The following CMSS1 variants were observed in gnomAD, a reference collection of about 807,000 sequenced individuals.
CMSS1 encodes the protein cms1 ribosomal small subunit homolog.
A neutral mutation model predicts 43.5 loss-of-function variants in CMSS1; 33 were observed. That is an observed-to-expected ratio of 0.76 (90% CI 0.57 to 1.01). CMSS1 has a LOEUF of 1.01. CMSS1 is among the 50% of genes least tolerant of loss of function. The probability of loss-of-function intolerance (pLI) is 0.00; values close to 1 mark genes in which losing one functional copy is unlikely to be tolerated. For synonymous variants in CMSS1, 115 were observed against 117.2 expected, an observed-to-expected ratio of 0.98 and a Z score of 0.12; for missense variants, 313 against 326.4, an observed-to-expected ratio of 0.96 and a Z score of 0.32.
chr3:100,158,127 T>C (rs2066992245), intron 2 of CMSS1, among the ~76,000 whole-genome samples: 1 of 152,238 alleles, frequency 6.6e-6, no homozygotes, highest in African/African-American at 2.4e-5. Context: ...TCCTGCTCAA[T>C]AGGTCCTTTT....
At chr3:99,825,773 T>C (rs1942524981) in intron 1 of CMSS1, among the ~76,000 whole-genome samples, 2 of 148,780 alleles carry the variant, frequency 1.3e-5, no homozygotes, top group Non-Finnish European at 3.0e-5. Flanking sequence ...TTTTTTCTTT[T>C]TCTTTTTTTT....
chr3:100,029,620 TA>T (rs1404527611), intron 1 of CMSS1, among the ~76,000 whole-genome samples: 8 of 152,248 alleles, frequency 5.3e-5, no homozygotes, highest in Non-Finnish European at 8.8e-5. Context: ...ATCACTAAAA[TA>T]AAAAAGCAAA....
intron 1 of CMSS1, among the ~76,000 whole-genome samples, chr3:100,117,199 T>C (rs1174739112): frequency 6.6e-6 from 1 of 152,216 alleles, no homozygotes; most frequent in Non-Finnish European, 1.5e-5. Flanking sequence ...AGTTGCTATT[T>C]ATTATGTCAC....
intron 8 of CMSS1, among the ~76,000 whole-genome samples, chr3:100,173,758 G>A (rs751740254): frequency 1.3e-5 from 2 of 152,130 alleles, no homozygotes; most frequent in Admixed American, 1.3e-4. Context: ...CATGCACATG[G>A]TATATCACAA....
At chr3:100,054,268 A>C (rs1190374686) in intron 1 of CMSS1, among the ~76,000 whole-genome samples, 16 of 152,094 alleles carry the variant, frequency 1.1e-4, no homozygotes. Context: ...GACTTGCTTG[A>C]TGGTTTTTTG....
At chr3:99,992,363 C>A (rs1423459688) in intron 1 of CMSS1, among the ~76,000 whole-genome samples, 1 of 152,030 alleles carries the variant, frequency 6.6e-6, no homozygotes, top group East Asian at 1.9e-4. Context: ...AATAGCCATT[C>A]TGACTGATAT....
At chr3:99,921,878 C>A (rs1385810386) in intron 1 of CMSS1, among the ~76,000 whole-genome samples, 1 of 152,152 alleles carries the variant, frequency 6.6e-6, no homozygotes, top group Non-Finnish European at 1.5e-5. Context: ...CCCCACTGAT[C>A]TTTTGTTCCC....
At chr3:100,157,717 A>T (rs9852848) in intron 2 of CMSS1, among the ~76,000 whole-genome samples, 1 of 152,146 alleles carries the variant, frequency 6.6e-6, no homozygotes, top group East Asian at 1.9e-4. Context: ...GATCCTCTTG[A>T]TGTCTTCAGA....
Position 100,180,355 on chromosome 3 carries a change from C to A in CMSS1, c.*1967C>A, listed in dbSNP as rs568048463. The A allele has an allele frequency of 3.9e-5, 6 of 152,320 alleles. No homozygotes were observed. The highest frequency in any genetic ancestry group is 1.4e-4 in the African/African-American group (6 of 41,580). The allele number at this position is 152,320 out of a possible 1,614,324, so 9.4% of individuals were successfully genotyped here. Reference sequence around the variant, plus strand: ...CATGGTCAGGCTGCAAATTTTCAAGCTTTTATACTCTGCTTTGCTTTTAAA... The same window carrying A: ...CATGGTCAGGCTGCAAATTTTCAAGATTTTATACTCTGCTTTGCTTTTAAA... On this transcript the variant is annotated 3_prime_UTR_variant, in exon 10 of 10. Coordinates refer to ENST00000421999, the MANE Select transcript of CMSS1 (RefSeq NM_032359.4).
chr3:100,160,321 A>G, intron 2 of CMSS1, 109 bp from the exon 3 acceptor site: 1 of 650,046 alleles, frequency 1.5e-6, no homozygotes. Flanking sequence ...AATATTACCA[A>G]GATACTCTGA....
rs185807598 is a variant in CMSS1 at position 100,046,045 on chromosome 3, A to G, written c.65-100928A>G. 2.0e-5 allele frequency among the ~76,000 whole-genome samples: 3 copies of G among 152,304 alleles called. No individual in the cohort carries two copies. The East Asian group carries it at 5.8e-4, about 29-fold the overall frequency. ...TGCTTGCTTTGTTTGTTTATTTTTTAAGGAAAGGGTATGGAGAGGCAAGAG... is the reference window on the plus strand; with the variant it reads ...TGCTTGCTTTGTTTGTTTATTTTTTGAGGAAAGGGTATGGAGAGGCAAGAG... On this transcript the variant is annotated intron_variant, in intron 1 of 9. Coordinates refer to ENST00000421999, the MANE Select transcript of CMSS1 (RefSeq NM_032359.4).
At chr3:100,078,524 G>A (rs1004788770) in intron 1 of CMSS1, among the ~76,000 whole-genome samples, 1 of 151,938 alleles carries the variant, frequency 6.6e-6, no homozygotes, top group Non-Finnish European at 1.5e-5. Context: ...GCTTCCCTGG[G>A]CCACATTGCA....
At position 99,892,463 on chromosome 3, in the gene CMSS1, A is replaced by G. The variant is rs552934070; in HGVS notation, c.64+74420A>G. Among the ~76,000 whole-genome samples, 9 of 152,312 alleles carry G rather than the reference A, an allele frequency of 5.9e-5. No individual in the cohort carries two copies. In the East Asian group the frequency reaches 1.7e-3, roughly 29 times the overall value. ...TCCCATTGGCTCAAACAATAGTGAA[A>G]TATGTCACCACACAACAAAAAATCC... On this transcript the variant is annotated intron_variant, in intron 1 of 9. Coordinates refer to ENST00000421999, the MANE Select transcript of CMSS1 (RefSeq NM_032359.4).
intron 1 of CMSS1, chr3:99,964,496 C>G (rs1708588703): frequency 6.6e-6 from 1 of 152,478 alleles, no homozygotes; most frequent in East Asian, 2.0e-4. Context: ...CTGCTCAGGG[C>G]TCAGAGCTAG....
At chr3:100,043,351 T>C (rs1028185421) in intron 1 of CMSS1, among the ~76,000 whole-genome samples, 37 of 152,258 alleles carry the variant, frequency 2.4e-4, no homozygotes, top group Non-Finnish European at 1.5e-5. Context: ...CTCTGTTCTT[T>C]TCAGCTATAT....
chr3:99,914,658 A>G (rs568648659), intron 1 of CMSS1, among the ~76,000 whole-genome samples: 2 of 152,346 alleles, frequency 1.3e-5, no homozygotes, highest in African/African-American at 2.4e-5. Flanking sequence ...CAGTTTAGCT[A>G]TAGGTTTTAT....
chr3:99,935,804 C>A (rs1020008580), intron 1 of CMSS1, among the ~76,000 whole-genome samples: 3 of 152,150 alleles, frequency 2.0e-5, no homozygotes, highest in Non-Finnish European at 4.4e-5. Flanking sequence ...TTCCTTTAGT[C>A]AGTTTTACTT....
chr3:100,119,221 G>T (rs1035013858), intron 1 of CMSS1, among the ~76,000 whole-genome samples: 1 of 152,060 alleles, frequency 6.6e-6, no homozygotes, highest in Non-Finnish European at 1.5e-5. Context: ...GAAAATATGA[G>T]GTATAAATTA....
intron 1 of CMSS1, among the ~76,000 whole-genome samples, chr3:100,098,642 A>C (rs1034854585): frequency 6.6e-6 from 1 of 152,186 alleles, no homozygotes; most frequent in Non-Finnish European, 1.5e-5. Flanking sequence ...TCCCTACTGG[A>C]GTATAAGTAC....
Sources: gnomAD v4.1 joint callset for allele counts (sites outside exome capture counted in the v4.1 genomes callset) on GRCh38, gnomAD v4.1.1 for gene constraint, MANE v1.5 for transcripts, NCBI Gene and HGNC (gene_info 2026-07-23, HGNC 2026-07-21) for gene names.